The following BHMT variants were observed in gnomAD, a reference collection of about 807,000 sequenced individuals.
BHMT encodes betaine--homocysteine S-methyltransferase 1.
Under a neutral mutation model 49.5 loss-of-function variants are expected in BHMT, and 38 were observed. The ratio of observed to expected loss-of-function variants is 0.77; its 90% CI spans 0.59 to 1.01. The LOEUF (loss-of-function observed/expected upper bound fraction) is 1.01, where lower values mean the gene tolerates loss of function less well. Ranked by LOEUF, BHMT falls within the 50% of genes least tolerant of loss-of-function variation. The pLI is 0.00. For missense variants in BHMT, 426 were observed against 495.7 expected (o/e 0.86, Z 1.34); for synonymous variants, 166 against 176.3 (o/e 0.94, Z 0.46).
intron 5 of BHMT, 96 bp from the exon 6 acceptor site, chr5:79,125,949 TG>T: frequency 7.6e-7 from 1 of 1,307,460 alleles, no homozygotes; most frequent in Non-Finnish European, 1.1e-6. Flanking sequence ...TCTCAAAAAA[TG>T]AAAAAAGAAC....
In BHMT at chr5:79,117,825, C is replaced by A. The variant is rs558783839; in HGVS notation, c.167-1434C>A. Among the ~76,000 whole-genome samples, 5 of 152,304 alleles carry A rather than the reference C, an allele frequency of 3.3e-5. No homozygotes were observed. The East Asian group carries it at 9.6e-4, about 29-fold the overall frequency. On this transcript the variant is annotated intron_variant, in intron 2 of 7. Coordinates refer to ENST00000274353, the MANE Select transcript of BHMT (RefSeq NM_001713.3). ...ATATTAATAGCATGCTGATTTCTTA[C>A]TTTGCCCAGTTAATTCTCCTAACGA...
chr5:79,117,177 A>C (rs1220843393), intron 2 of BHMT, among the ~76,000 whole-genome samples: 1 of 152,216 alleles, frequency 6.6e-6, no homozygotes, highest in Non-Finnish European at 1.5e-5. Context: ...AAAATCTGAT[A>C]AAATTTTATA....
chr5:79,123,650 C>CA (rs1190392573), intron 5 of BHMT, among the ~76,000 whole-genome samples: 1 of 152,102 alleles, frequency 6.6e-6, no homozygotes, highest in East Asian at 1.9e-4. Flanking sequence ...CTCCTGGGTT[C>CA]AAGTGATTCT....
chr5:79,123,950 C>T (rs989024762), intron 5 of BHMT, among the ~76,000 whole-genome samples: 2 of 152,076 alleles, frequency 1.3e-5, no homozygotes, highest in Non-Finnish European at 2.9e-5. Context: ...AAATATCATG[C>T]AGCTATAAGA....
At chr5:79,127,482 G>T (rs1023893584) in intron 6 of BHMT, among the ~76,000 whole-genome samples, 3 of 152,098 alleles carry the variant, frequency 2.0e-5, no homozygotes, top group African/African-American at 7.2e-5. Flanking sequence ...ATATTCTATG[G>T]ATCTCACAGA....
chr5:79,125,882 G>A, intron 5 of BHMT, among the ~76,000 whole-genome samples, 164 bp from the exon 6 acceptor site: 1 of 152,110 alleles, frequency 6.6e-6, no homozygotes, highest in East Asian at 1.9e-4. Context: ...GGTGGAGACT[G>A]CAGTGAGCTG....
chr5:79,117,932 T>A (rs927569238), intron 2 of BHMT, among the ~76,000 whole-genome samples: 4 of 152,136 alleles, frequency 2.6e-5, no homozygotes, highest in African/African-American at 9.7e-5. Context: ...CAATGGCAGT[T>A]TTTGACAAGG....
Position 79,127,928 on chromosome 5 carries a change from C to T in BHMT, c.982C>T (p.His328Tyr). Reference protein sequence around the residue: ...RGFLPPASEKHGSWGSGLDMH... With the variant: ...RGFLPPASEKYGSWGSGLDMH... The stretch of plus-strand genomic sequence containing the variant: ...CTTTTTGCCACCAGCTTCAGAAAAA[C>T]ATGGCAGCTGGGGAAGTGGTTTGGA... The change falls in exon 7 of 8, where the codon CAT becomes TAT. Residue 328 changes from histidine to tyrosine, a missense_variant. By Grantham distance (83) the His-to-Tyr change is moderately conservative. Transcript: ENST00000274353. The T allele has an allele frequency of 1.2e-6, 2 of 1,614,144 alleles. No individual in the cohort carries two copies. Among genetic ancestry groups the T allele is most frequent in the South Asian group, 1.1e-5 (1 of 91,074 alleles).
At chr5:79,129,791 T>C (rs1348966782) in intron 7 of BHMT, among the ~76,000 whole-genome samples, 3 of 151,958 alleles carry the variant, frequency 2.0e-5, no homozygotes. Context: ...CTCATGAGGA[T>C]GTGAGGAAGG....
chr5:79,129,340 A>G (rs747227763), intron 7 of BHMT, among the ~76,000 whole-genome samples: 22 of 152,218 alleles, frequency 1.4e-4, no homozygotes, highest in Non-Finnish European at 1.0e-4. Context: ...ATTTCTAAGA[A>G]AGCTGATGCC....
intron 3 of BHMT, 197 bp from the exon 4 acceptor site, chr5:79,120,152 AT>A (rs761026914): frequency 1.2e-5 from 6 of 488,926 alleles, no homozygotes; most frequent in Non-Finnish European, 2.1e-5. Flanking sequence ...ATATATATTT[AT>A]TGTTACTATC....
chr5:79,130,910 T>TTCACACAGGGCCAGGA, intron 7 of BHMT, 23 bp from the exon 8 acceptor site: 1 of 1,570,338 alleles, frequency 6.4e-7, no homozygotes, highest in Non-Finnish European at 8.6e-7. Context: ...TGTTGTCTGG[T>TTCACACAGGGCCAGGA]GTCATGTGTT....
intron 4 of BHMT, 21 bp from the exon 5 acceptor site, chr5:79,121,197 T>C: frequency 6.2e-7 from 1 of 1,610,190 alleles, no homozygotes; most frequent in Non-Finnish European, 8.5e-7. Context: ...TTAAAAGTAC[T>C]CTAACCTTAA....
rs1346417001 is a variant in BHMT, at chr5:79,120,424, A to G, written c.360A>G (p.Gly120=). ...ATGAAGGAGATGCTTTGGTAGCAGGAGGAGTGAGTCAGACACCTTCATACC... is the reference window on the plus strand; with the variant it reads ...ATGAAGGAGATGCTTTGGTAGCAGGGGGAGTGAGTCAGACACCTTCATACC... ...VADEGDALVA[G]GVSQTPSYLS... is the part of the protein sequence containing the mutation. The change falls in exon 4 of 8, where the codon GGA becomes GGG. Residue 120 remains glycine, a synonymous_variant. Coordinates refer to ENST00000274353, the MANE Select transcript of BHMT (RefSeq NM_001713.3). The G allele has an allele frequency of 1.9e-6, 3 of 1,614,000 alleles. No homozygotes were observed. The highest frequency in any genetic ancestry group is 1.7e-6 in the Non-Finnish European group (2 of 1,180,006).
chr5:79,121,583 G>C (rs1460348061), intron 5 of BHMT, among the ~76,000 whole-genome samples: 3 of 152,170 alleles, frequency 2.0e-5, no homozygotes, highest in Admixed American at 6.5e-5. Context: ...GGGAGGCAGA[G>C]ACGGGTGGAT....
At chr5:79,124,296 C>T (rs1756515474) in intron 5 of BHMT, among the ~76,000 whole-genome samples, 1 of 152,098 alleles carries the variant, frequency 6.6e-6, no homozygotes, top group African/African-American at 2.4e-5. Flanking sequence ...TGCCTACAAT[C>T]CCAGCACTTT....
At chr5:79,120,317 A>T in intron 3 of BHMT, 33 bp from the exon 4 acceptor site, 1 of 1,523,874 alleles carries the variant, frequency 6.6e-7, no homozygotes, top group Non-Finnish European at 8.8e-7. Context: ...TTCACATGAA[A>T]ATTTAGATGT....
Position 79,115,755 on chromosome 5 carries a change from C to T in BHMT, c.34-12C>T, listed in dbSNP as rs1756377671. 2 of 1,585,086 alleles carry T rather than the reference C, an allele frequency of 1.3e-6. No homozygotes were observed. The highest frequency in any genetic ancestry group is 1.7e-6 in the Non-Finnish European group (2 of 1,166,174). Reference sequence around the variant, plus strand: ...CAAGTAACTCCTTTTCCTCCCTCATCTGTAATTTTAGGGCATCCTAGAACG... The same window carrying T: ...CAAGTAACTCCTTTTCCTCCCTCATTTGTAATTTTAGGGCATCCTAGAACG... On this transcript the variant is annotated splice_polypyrimidine_tract_variant and intron_variant, in intron 1 of 7. Coordinates refer to ENST00000274353, the MANE Select transcript of BHMT (RefSeq NM_001713.3).
At position 79,121,207 on chromosome 5, in the gene BHMT, A is replaced by G; in HGVS notation, c.478-11A>G. On this transcript the variant is annotated splice_polypyrimidine_tract_variant and intron_variant, in intron 4 of 7. Coordinates refer to ENST00000274353, the MANE Select transcript of BHMT (RefSeq NM_001713.3). ...CGAGATTAAAAGTACTCTAACCTTA[A>G]CTGATTCCAGTATTTTGAACACGTT... 6.2e-7 allele frequency: 1 copy of G among 1,613,832 alleles called. No individual in the cohort carries two copies. Among genetic ancestry groups the G allele is most frequent in the Non-Finnish European group, 8.5e-7 (1 of 1,179,842 alleles).
Sources: gnomAD v4.1 joint callset for allele counts (sites outside exome capture counted in the v4.1 genomes callset) on GRCh38, gnomAD v4.1.1 for gene constraint, MANE v1.5 for transcripts, NCBI Gene and HGNC (gene_info 2026-07-23, HGNC 2026-07-21) for gene names.